ERG: variants seen among roughly 807,000 people sequenced by gnomAD.
The protein encoded by ERG is ETS transcription factor ERG, also known as transcriptional regulator ERG.
A neutral mutation model predicts 55.3 loss-of-function variants in ERG; 9 were observed. The observed-to-expected ratio is 0.16, with a 90% CI of 0.10 to 0.28. The LOEUF is 0.28. Ranked by LOEUF, ERG falls within the 10% of genes least tolerant of loss-of-function variation. The pLI, the probability that ERG is intolerant of heterozygous loss-of-function variation, is 1.00. For synonymous variants in ERG, 223 were observed against 237.3 expected (o/e 0.94, Z 0.55); for missense variants, 434 against 631.6 (o/e 0.69, Z 3.35).
intron 2 of ERG, among the ~76,000 whole-genome samples, chr21:38,525,883 C>G (rs2836470): frequency 5.9e-5 from 9 of 152,096 alleles, no homozygotes. Context: ...CCAATGAGAG[C>G]TCTGAACAAA....
At chr21:38,374,173 C>T in the ERG span, among the ~76,000 whole-genome samples, 1 of 152,168 alleles carries the variant, frequency 6.6e-6, no homozygotes, top group Non-Finnish European at 1.5e-5. Flanking sequence ...GTGCTCCAAC[C>T]CTTCTTCATA....
chr21:38,593,166 G>A (rs190444228), intron 1 of ERG, among the ~76,000 whole-genome samples: 8 of 152,320 alleles, frequency 5.3e-5, no homozygotes, highest in African/African-American at 7.2e-5. Flanking sequence ...GCAAAACAGC[G>A]CCATGTCCCT....
At chr21:38,586,801 G>A (rs2060068374), upstream of ERG, among the ~76,000 whole-genome samples, 1 of 152,150 alleles carries the variant, frequency 6.6e-6, no homozygotes, top group African/African-American at 2.4e-5. Context: ...CAAAGAAAAT[G>A]GAAAATGAAA....
chr21:38,494,547 G>A (rs1442034689), intron 1 of ERG, among the ~76,000 whole-genome samples: 1 of 152,122 alleles, frequency 6.6e-6, no homozygotes, highest in Non-Finnish European at 1.5e-5. Flanking sequence ...CAACAGAAAT[G>A]GTTGTTTCAT....
chr21:38,559,247 G>A (rs181950272), intron 2 of ERG, among the ~76,000 whole-genome samples: 5 of 152,252 alleles, frequency 3.3e-5, no homozygotes, highest in African/African-American at 9.6e-5. Flanking sequence ...TCAGAAGCAG[G>A]AGGTTGGAGT....
At position 38,383,977 on chromosome 21, in the gene ERG, A is replaced by G; in HGVS notation, c.920-54T>C. The G allele has an allele frequency of 3.2e-6, 5 of 1,559,696 alleles. No individual in the cohort carries two copies. The highest frequency in any genetic ancestry group is 4.3e-6 in the Non-Finnish European group (5 of 1,155,788). On this transcript the variant is annotated intron_variant, in intron 9 of 9. Transcript: ENST00000288319. This position sits in a 1 kb window ranked among gnomAD's most constrained non-coding sequence, Gnocchi z 5.7. Reference sequence around the variant, plus strand: ...TCCAGTGAGCACAGGTTCCAGGGGAAAGAGGCTCTCTGTGATGACGGAAGG... The same window carrying G: ...TCCAGTGAGCACAGGTTCCAGGGGAGAGAGGCTCTCTGTGATGACGGAAGG...
intron 1 of ERG, among the ~76,000 whole-genome samples, chr21:38,608,760 G>A (rs1651478426): frequency 6.6e-6 from 1 of 152,114 alleles, no homozygotes; most frequent in African/African-American, 2.4e-5. Context: ...TGGGGTGGGA[G>A]CAAAGGGGTG....
chr21:38,559,829 C>T (rs1212729705), intron 2 of ERG, among the ~76,000 whole-genome samples: 2 of 152,094 alleles, frequency 1.3e-5, no homozygotes, highest in Non-Finnish European at 2.9e-5. Context: ...TACAGGCATG[C>T]GCCACCACGC....
chr21:38,395,849 A>T (rs989408558), intron 6 of ERG, among the ~76,000 whole-genome samples: 2 of 152,172 alleles, frequency 1.3e-5, no homozygotes, highest in South Asian at 4.1e-4. Flanking sequence ...CTGGAGGGCT[A>T]AGTTCAGCCA....
chr21:38,596,079 T>C (rs1315554714), intron 1 of ERG, among the ~76,000 whole-genome samples: 3 of 150,174 alleles, frequency 2.0e-5, no homozygotes, highest in Non-Finnish European at 4.4e-5. Flanking sequence ...TCTCTTTTTA[T>C]AATAGCTAGA....
chr21:38,537,460 A>G (rs2059719721), intron 2 of ERG, among the ~76,000 whole-genome samples: 1 of 151,938 alleles, frequency 6.6e-6, no homozygotes, highest in African/African-American at 2.4e-5. Flanking sequence ...ATATATGTAT[A>G]TAACCTACAA....
chr21:38,515,420 G>C (rs1230999717), intron 2 of ERG, among the ~76,000 whole-genome samples: 2 of 151,716 alleles, frequency 1.3e-5, no homozygotes, highest in Non-Finnish European at 3.0e-5. Context: ...TAATAAGATT[G>C]GATAGGAAAA....
chr21:38,383,539 G>A lies in ERG; in HGVS notation c.1304C>T (p.Pro435Leu). 1.9e-6 allele frequency: 3 copies of A among 1,582,368 alleles called. No homozygotes were observed. The highest frequency in any genetic ancestry group is 2.6e-6 in the Non-Finnish European group (3 of 1,160,686). ...GGAAGATGTCACGGGGAGGGCTGGA[G>A]GGTGGGGCGCCACAAAGTTCATCTT... ...PQKMNFVAPH[P>L]PALPVTSSSF... Residue 435 changes from proline to leucine, a missense_variant, in exon 10 of 10, where the codon CCT (proline) becomes CTT (leucine). Around this residue, in one of 5 missense-constraint regions of ERG, gnomAD observed 107 missense variants for 126.8 expected, o/e 0.84. Coordinates refer to ENST00000288319, the MANE Select transcript of ERG (RefSeq NM_182918.4). The surrounding 1 kb of genome is among the most constrained non-coding windows in gnomAD (Gnocchi z 5.7).
intron 2 of ERG, among the ~76,000 whole-genome samples, chr21:38,551,992 C>T (rs80027798): frequency 0.023 from 3,505 of 152,114 alleles, 118 homozygotes; most frequent in African/African-American, 0.055. Flanking sequence ...TCACTAGGTC[C>T]CTAAAACTTG....
intron 6 of ERG, among the ~76,000 whole-genome samples, chr21:38,397,747 C>T (rs1028216883): frequency 6.6e-6 from 1 of 151,966 alleles, no homozygotes; most frequent in Non-Finnish European, 1.5e-5. Context: ...TGCAGCAGGA[C>T]AACACACATG....
At chr21:38,417,292 G>A (rs919561647) in intron 3 of ERG, among the ~76,000 whole-genome samples, 13 of 152,102 alleles carry the variant, frequency 8.5e-5, no homozygotes, top group African/African-American at 2.4e-4. Context: ...TTTTATTCAC[G>A]GTGAATGGAA....
intron 3 of ERG, among the ~76,000 whole-genome samples, chr21:38,408,365 A>T (rs1309754668): frequency 6.6e-6 from 1 of 152,168 alleles, no homozygotes; most frequent in Non-Finnish European, 1.5e-5. Flanking sequence ...CCTGTGCCAC[A>T]TGCCACCCAC....
chr21:38,458,423 CAAAAAAAAA>C (rs35307490), intron 1 of ERG, among the ~76,000 whole-genome samples: 1 of 83,732 alleles, frequency 1.2e-5, no homozygotes, highest in Non-Finnish European at 2.4e-5. Context: ...GACTCTGGCT[CAAAAAAAAA>C]AAAAAAAAAA....
At chr21:38,467,739 A>G (rs2059103504) in intron 1 of ERG, among the ~76,000 whole-genome samples, 2 of 152,256 alleles carry the variant, frequency 1.3e-5, no homozygotes, top group Non-Finnish European at 1.5e-5. Flanking sequence ...CAGAAAGGCC[A>G]TACATATTCA....
Sources: gnomAD v4.1 joint callset for allele counts (sites outside exome capture counted in the v4.1 genomes callset) on GRCh38, gnomAD v4.1.1 for gene constraint, gnomAD v4.1.1 regional missense constraint, Gnocchi (gnomAD v3.1) non-coding constraint, MANE v1.5 for transcripts, NCBI Gene and HGNC (gene_info 2026-07-23, HGNC 2026-07-21) for gene names.